Variants in NAV3 observed in about 807,000 individuals in gnomAD.
NAV3 encodes neuron navigator 3.
A neutral mutation model predicts 244.7 loss-of-function variants in NAV3; 87 were observed. The ratio of observed to expected loss-of-function variants is 0.36; its 90% CI spans 0.30 to 0.42. The LOEUF (loss-of-function observed/expected upper bound fraction) is 0.42, where lower values mean the gene tolerates loss of function less well. NAV3 is among the 20% of genes least tolerant of loss of function. The pLI is 1.00. For missense variants in NAV3, 2,663 were observed against 2,893.3 expected, an observed-to-expected ratio of 0.92 and a Z score of 1.83; for synonymous variants, 1,126 against 1,042.2, an observed-to-expected ratio of 1.08 and a Z score of -1.55.
At chr12:77,904,154 C>T (rs1365271312) in intron 1 of NAV3, among the ~76,000 whole-genome samples, 1 of 152,108 alleles carries the variant, frequency 6.6e-6, no homozygotes, top group Non-Finnish European at 1.5e-5. Context: ...GGTATATATC[C>T]AAAGATTATA....
At chr12:78,091,906 G>A (rs1300758432) in intron 12 of NAV3, among the ~76,000 whole-genome samples, 1 of 151,462 alleles carries the variant, frequency 6.6e-6, no homozygotes, top group African/African-American at 2.4e-5. Flanking sequence ...TCACTATCCT[G>A]CATAGTACAT....
At chr12:77,702,591 GT>G (rs1480459261) in intron 2 of NAV3, among the ~76,000 whole-genome samples, 1 of 151,294 alleles carries the variant, frequency 6.6e-6, no homozygotes, top group Non-Finnish European at 1.5e-5. Flanking sequence ...TTTACTTTTT[GT>G]TTTTTGCTCT....
At chr12:77,656,559 A>C in intron 2 of NAV3, among the ~76,000 whole-genome samples, 1 of 126,124 alleles carries the variant, frequency 7.9e-6, no homozygotes, top group Non-Finnish European at 1.6e-5. Flanking sequence ...CAAGACAGAA[A>C]GTCAACAAGG....
intron 2 of NAV3, among the ~76,000 whole-genome samples, chr12:77,748,091 A>C (rs1868650588): frequency 6.6e-6 from 1 of 152,240 alleles, no homozygotes; most frequent in South Asian, 2.1e-4. Context: ...TTCAAAAGTA[A>C]TCAGAAAGTA....
At chr12:77,661,344 GT>G (rs1209465624) in intron 2 of NAV3, among the ~76,000 whole-genome samples, 2 of 151,904 alleles carry the variant, frequency 1.3e-5, no homozygotes, top group Admixed American at 6.6e-5. Flanking sequence ...TGTTGAAAAT[GT>G]TTTTTTGCAC....
intron 19 of NAV3, 102 bp from the exon 20 acceptor site, chr12:78,140,180 C>T (rs529256601): frequency 3.2e-6 from 3 of 949,136 alleles, no homozygotes; most frequent in Non-Finnish European, 5.0e-6. Context: ...GTTGTTATTA[C>T]TTAATTTCCC....
At chr12:78,012,536 T>TC (rs1417512993) in intron 8 of NAV3, among the ~76,000 whole-genome samples, 1 of 151,936 alleles carries the variant, frequency 6.6e-6, no homozygotes, top group East Asian at 1.9e-4. Context: ...AGTCCCACCT[T>TC]CCCCCAGCAC....
rs141831843 is a variant in NAV3, at chr12:77,751,207, T to C, written c.72+178941T>C. Among the ~76,000 whole-genome samples, 1,242 of 152,328 alleles carry C rather than the reference T, an allele frequency of 8.2e-3. 9 individuals carry two copies. Among genetic ancestry groups the C allele is most frequent in the Non-Finnish European group, 0.014 (942 of 68,022 alleles). On this transcript the variant is annotated intron_variant, in intron 2 of 8. Coordinates refer to the NAV3 transcript ENST00000550042. ...TAATAAAAGGCACAAAAAAGTTGAC[T>C]AATGGGTTATACTCTTATGAGCTTT...
At chr12:77,826,971 C>T (rs566283550), upstream of NAV3, among the ~76,000 whole-genome samples, 1 of 152,250 alleles carries the variant, frequency 6.6e-6, no homozygotes, top group African/African-American at 2.4e-5. Context: ...CTTGTAATCC[C>T]AGCACTTTGG....
chr12:78,198,615 A>G lies in NAV3; in HGVS notation c.6457A>G (p.Ile2153Val). ...TTTATTTTTTTCTAGTCCATATATT[A>G]TTGGAACAATGAATCAGGGAGTTTC... ...NCKYNKCPYIIGTMNQGVSSS... is the reference protein window; with the variant it reads ...NCKYNKCPYIVGTMNQGVSSS... Residue 2153 changes from isoleucine to valine, a missense_variant, in exon 36 of 40, where the codon ATT (isoleucine) becomes GTT (valine). Transcript: ENST00000397909. 1 of 1,587,008 alleles carries G rather than the reference A, an allele frequency of 6.3e-7. No individual in the cohort carries two copies. The highest frequency in any genetic ancestry group is 8.6e-7 in the Non-Finnish European group (1 of 1,161,890).
At chr12:78,040,530 C>A (rs1489127091) in intron 9 of NAV3, among the ~76,000 whole-genome samples, 1 of 151,992 alleles carries the variant, frequency 6.6e-6, no homozygotes, top group East Asian at 1.9e-4. Flanking sequence ...GAAAATACAA[C>A]GTTCTTAAAA....
At chr12:77,916,640 A>G (rs1396884843) in intron 1 of NAV3, among the ~76,000 whole-genome samples, 1 of 152,064 alleles carries the variant, frequency 6.6e-6, no homozygotes, top group Non-Finnish European at 1.5e-5. Context: ...TTCTACATAC[A>G]ATACTCAAAG....
At chr12:77,976,666 C>CTTTCTTTTTTTTTTTTTTTTTTT (rs1446044531) in intron 5 of NAV3, among the ~76,000 whole-genome samples, 2 of 58,062 alleles carry the variant, frequency 3.4e-5, no homozygotes, top group African/African-American at 6.5e-5. Flanking sequence ...TTCTTTCTTT[C>CTTTCTTTTTTTTTTTTTTTTTTT]TTTTTTTCTT....
At chr12:77,702,679 A>G (rs953878000) in intron 2 of NAV3, among the ~76,000 whole-genome samples, 12 of 152,030 alleles carry the variant, frequency 7.9e-5, no homozygotes, top group African/African-American at 2.9e-4. Context: ...GAAATGTAAG[A>G]AACAAAGTAT....
intron 20 of NAV3, among the ~76,000 whole-genome samples, chr12:78,142,292 G>T (rs1417035225): frequency 6.6e-6 from 1 of 151,794 alleles, no homozygotes. Flanking sequence ...TCAAGAAAAG[G>T]ATCATGAGTT....
intron 1 of NAV3, among the ~76,000 whole-genome samples, chr12:77,895,738 G>GTTTTTTTTTTTTT (rs11437920): frequency 7.8e-6 from 1 of 128,006 alleles, no homozygotes; most frequent in South Asian, 2.5e-4. Flanking sequence ...GTACCCTCTT[G>GTTTTTTTTTTTTT]TTTTTTTTTT....
At chr12:77,857,538 A>T (rs1878577253) in intron 1 of NAV3, among the ~76,000 whole-genome samples, 1 of 151,906 alleles carries the variant, frequency 6.6e-6, no homozygotes, top group Admixed American at 6.6e-5. Flanking sequence ...ATTCAGCAAC[A>T]TTTATATTGA....
intron 2 of NAV3, among the ~76,000 whole-genome samples, chr12:77,621,909 ATATCT>A (rs1277108142): frequency 2.6e-5 from 4 of 152,204 alleles, no homozygotes; most frequent in Non-Finnish European, 4.4e-5. Flanking sequence ...TTATCATTTG[ATATCT>A]TAGAATCAGA....
chr12:77,734,891 T>G (rs1877274081), intron 2 of NAV3, among the ~76,000 whole-genome samples: 1 of 152,190 alleles, frequency 6.6e-6, no homozygotes, highest in Non-Finnish European at 1.5e-5. Context: ...AGGAGCAAGG[T>G]TATTTCCTTC....
Sources: allele counts gnomAD v4.1 joint callset (sites outside exome capture counted in the v4.1 genomes callset), GRCh38; gene constraint gnomAD v4.1.1; transcripts MANE v1.5; gene names NCBI Gene and HGNC (gene_info 2026-07-23, HGNC 2026-07-21).